The following MUC12 variants were observed in gnomAD, a reference collection of about 807,000 sequenced individuals.
MUC12 encodes mucin 12, cell surface associated, also known as mucin-12.
MUC12 carries 172 observed loss-of-function variants against 230.8 expected under a neutral mutation model. The ratio of observed to expected loss-of-function variants is 0.75; its 90% CI spans 0.66 to 0.85. MUC12 has a LOEUF of 0.85. MUC12 is among the 40% of genes least tolerant of loss of function. The pLI, the probability that MUC12 is intolerant of heterozygous loss-of-function variation, is 0.00. For missense variants in MUC12, 3,506 were observed against 5,920.6 expected (o/e 0.59, Z 13.38); for synonymous variants, 1,259 against 2,401.9 (o/e 0.52, Z 13.91).
chr7:100,984,878 T>C (rs1322823635), intron 1 of MUC12, among the ~76,000 whole-genome samples: 1 of 152,134 alleles, frequency 6.6e-6, no homozygotes, highest in Non-Finnish European at 1.5e-5. Context: ...CCTTTTTATT[T>C]TTTTGGGATG....
Position 100,995,296 on chromosome 7 carries a change from C to A in MUC12, c.4733C>A (p.Thr1578Asn). ...TSSGVSEESTTSHSRPGSTHT... is the reference protein window; with the variant it reads ...TSSGVSEESTNSHSRPGSTHT... ...TCAGGCGTCAGTGAAGAATCCACCA[C>A]CTCCCACAGCCGACCAGGCTCAACG... Residue 1578 changes from threonine to asparagine, a missense_variant, in exon 2 of 12, where the codon ACC (threonine) becomes AAC (asparagine). Thr to Asn is a moderately conservative substitution (Grantham distance 65, BLOSUM62 0). Transcript: ENST00000536621. 6.6e-7 allele frequency: 1 copy of A among 1,524,924 alleles called. No homozygotes were observed. Among genetic ancestry groups the A allele is most frequent in the East Asian group, 2.5e-5 (1 of 40,684 alleles). 94.5% of individuals were successfully genotyped at this position (1,524,924 alleles called of 1,614,324 possible). A position where few individuals can be genotyped will look rare whatever the true frequency, so the allele number is the denominator to read the frequency against.
Position 101,005,176 on chromosome 7 carries a change from GTCC to G in MUC12, c.14614_14616del (p.Ser4872del). 1.3e-6 allele frequency: 2 copies of G among 1,537,762 alleles called. No individual in the cohort carries two copies. Among genetic ancestry groups the G allele is most frequent in the Non-Finnish European group, 1.7e-6 (2 of 1,147,040 alleles). ...CAGCGTTTTCTCACAGCAACACAAT[GTCC>G]ATTCATAGTCAACAATCTACACCCT... On this transcript the variant is annotated inframe_deletion, in exon 2 of 12. Transcript: ENST00000536621.
intron 5 of MUC12, 114 bp downstream of exon 5, chr7:101,009,273 T>C (rs1357573844): frequency 1.9e-5 from 20 of 1,066,040 alleles, no homozygotes; most frequent in Non-Finnish European, 2.6e-5. Flanking sequence ...GGTCAGAGAG[T>C]CCTGCAGCCG....
In MUC12 at chr7:100,976,445, A is replaced by C. The variant is rs888037144; in HGVS notation, c.67+6756A>C. On this transcript the variant is annotated intron_variant, in intron 1 of 11. Transcript: ENST00000536621. The stretch of plus-strand genomic sequence containing the variant: ...ACAGTGAAATCCCGTCTCTACTAAA[A>C]ATAAAAAAATTAGCCGGGCATGGTG... 1.4e-4 allele frequency among the ~76,000 whole-genome samples: 11 copies of C among 80,920 alleles called. No homozygotes were observed. The Admixed American group carries it at 1.4e-3, about 10-fold the overall frequency. 53.1% of individuals were successfully genotyped at this position (80,920 alleles called of 152,430 possible). A position where few individuals can be genotyped will look rare whatever the true frequency, so the allele number is the denominator to read the frequency against.
intron 1 of MUC12, among the ~76,000 whole-genome samples, chr7:100,990,403 G>C (rs1321564792): frequency 1.3e-5 from 2 of 152,180 alleles, no homozygotes. Context: ...TGAAATCGGT[G>C]CCTGGTGCCA....
In MUC12 at chr7:101,004,978, G is replaced by A. The variant is rs776619261; in HGVS notation, c.14415G>A (p.Glu4805=). Residue 4805 remains glutamate (E), a synonymous_variant, in exon 2 of 12, where the codon GAG becomes GAA. Coordinates refer to ENST00000536621, the MANE Select transcript of MUC12 (RefSeq NM_001164462.2). The part of the protein sequence containing the change: ...TTFHSKPGST[E]TTLSPGSITT... The stretch of plus-strand genomic sequence containing the variant: ...TCCACAGTAAGCCAGGCTCAACTGA[G>A]ACAACACTGTCCCCTGGCAGCATCA... 6 of 1,537,548 alleles carry A rather than the reference G, an allele frequency of 3.9e-6. No homozygotes were observed. The East Asian group carries it at 7.3e-5, about 19-fold the overall frequency.
At chr7:100,974,776 G>A (rs1792991136) in intron 1 of MUC12, among the ~76,000 whole-genome samples, 1 of 152,308 alleles carries the variant, frequency 6.6e-6, no homozygotes, top group Non-Finnish European at 1.5e-5. Context: ...AGTGAGCTGT[G>A]ATTGTGCCAC....
At chr7:100,976,593 G>A (rs1793035096) in intron 1 of MUC12, among the ~76,000 whole-genome samples, 1 of 114,588 alleles carries the variant, frequency 8.7e-6, no homozygotes, top group Admixed American at 1.0e-4. Flanking sequence ...GACAGAGCGA[G>A]ACTCTTTATA....
Position 101,012,353 on chromosome 7 carries a change from G to A in MUC12, c.15309G>A (p.Glu5103=), listed in dbSNP as rs1182625476. Residue 5103 remains glutamate, a synonymous_variant, in exon 6 of 12, where the codon GAG becomes GAA. Transcript: ENST00000536621. The part of the protein sequence containing the change: ...DVILEADYTL[E]YEELFENLAE... ...TCCTGGAGGCAGACTACACTTTAGA[G>A]TATGAGGAACTGTTTGAAAACCTGG... The A allele has an allele frequency of 6.5e-7, 1 of 1,537,536 alleles. No homozygotes were observed. The highest frequency in any genetic ancestry group is 2.0e-5 in the Admixed American group (1 of 51,002).
chr7:100,970,768 T>C (rs1167198101), intron 1 of MUC12, among the ~76,000 whole-genome samples: 3 of 150,170 alleles, frequency 2.0e-5, no homozygotes, highest in Admixed American at 2.0e-4. Context: ...GAGGCCGAGG[T>C]GGGCGGATCA....
chr7:100,969,863 G>T (rs1286371827), intron 1 of MUC12, among the ~76,000 whole-genome samples, 174 bp downstream of exon 1: 1 of 152,304 alleles, frequency 6.6e-6, no homozygotes, highest in African/African-American at 2.4e-5. Flanking sequence ...GTGCTGAAGA[G>T]GTCACTGTGG....
In MUC12 at chr7:100,990,938, T is replaced by A. The variant is rs1343310233; in HGVS notation, c.375T>A (p.Pro125=). 1 of 1,537,874 alleles carries A rather than the reference T, an allele frequency of 6.5e-7. No individual in the cohort carries two copies. Among genetic ancestry groups the A allele is most frequent in the Non-Finnish European group, 8.7e-7 (1 of 1,147,056 alleles). ...TSASMETTAL[P]GSTTTAGLSE... The stretch of plus-strand genomic sequence containing the variant: ...CCTCAATGGAAACAACAGCGTTACC[T>A]GGCAGTACCACAACAGCAGGCCTGA... The change falls in exon 2 of 12, where the codon CCT becomes CCA. Residue 125 remains proline, a synonymous_variant. Transcript: ENST00000536621.
chr7:100,989,992 C>A (rs953628900), intron 1 of MUC12, among the ~76,000 whole-genome samples: 1 of 152,168 alleles, frequency 6.6e-6, no homozygotes, highest in Non-Finnish European at 1.5e-5. Context: ...CTCACCTGGC[C>A]CTAAAAATTC....
rs774881285 is a variant in MUC12, at chr7:100,995,647, C to T, written c.5084C>T (p.Ser1695Leu). The T allele has an allele frequency of 6.5e-6, 10 of 1,537,136 alleles. No individual in the cohort carries two copies. The Admixed American group carries it at 1.6e-4, about 24-fold the overall frequency. ...ESTTFQSWPS[S>L]KDTMPAPPTT... ...ACCACCTTCCAGAGCTGGCCAAGCTCAAAGGACACTATGCCTGCACCTCCT... is the reference window on the plus strand; with the variant it reads ...ACCACCTTCCAGAGCTGGCCAAGCTTAAAGGACACTATGCCTGCACCTCCT... The change falls in exon 2 of 12, where the codon TCA (serine) becomes TTA (leucine). Residue 1695 changes from serine (S) to leucine (L), a missense_variant. Ser to Leu is a moderately radical substitution (Grantham distance 145). Transcript: ENST00000536621.
chr7:100,981,600 C>T, intron 1 of MUC12: 1 of 433,644 alleles, frequency 2.3e-6, no homozygotes, highest in Non-Finnish European at 4.1e-6. Context: ...AGAGCTCAAG[C>T]TTGGTGTGAC....
intron 1 of MUC12, among the ~76,000 whole-genome samples, chr7:100,970,591 G>C (rs1792856865): frequency 6.6e-6 from 1 of 152,066 alleles, no homozygotes; most frequent in African/African-American, 2.4e-5. Flanking sequence ...AAGAAAAAAT[G>C]GCTGCCAGTT....
At position 101,004,493 on chromosome 7, in the gene MUC12, C is replaced by G. The variant is rs111307353; in HGVS notation, c.13930C>G (p.Pro4644Ala). 6.7e-3 allele frequency: 10,323 copies of G among 1,532,702 alleles called. 98 individuals are homozygous for G. The highest frequency in any genetic ancestry group is 0.028 in the South Asian group (2,316 of 83,732). The allele number at this position is 1,532,702 out of a possible 1,614,324, so 94.9% of individuals were successfully genotyped here. ...CAGCACAACACACACAATATCTTCACCTCCTAGCACCACATCTGCCCTTGT... is the reference window on the plus strand; with the variant it reads ...CAGCACAACACACACAATATCTTCAGCTCCTAGCACCACATCTGCCCTTGT... ...HSSTTHTISS[P>A]PSTTSALVEE... The change falls in exon 2 of 12, where the codon CCT becomes GCT. Residue 4644 changes from proline (P) to alanine (A), a missense_variant. By Grantham distance (27) the Pro-to-Ala change is conservative (BLOSUM62 -1). Transcript: ENST00000536621.
chr7:101,003,748 C>G lies in MUC12; in HGVS notation c.13185C>G (p.Pro4395=), dbSNP rs1269906790. ...HSSPVATATT[P]SPARSTTSGL... ...GCCCAGTTGCAACTGCAACAACACCCTCGCCTGCCCGCTCCACAACCTCAG... is the reference window on the plus strand; with the variant it reads ...GCCCAGTTGCAACTGCAACAACACCGTCGCCTGCCCGCTCCACAACCTCAG... Residue 4395 remains proline (P), a synonymous_variant, in exon 2 of 12, where the codon CCC becomes CCG. Transcript: ENST00000536621. The G allele has an allele frequency of 2.7e-6, 4 of 1,503,576 alleles. No individual in the cohort carries two copies. Among genetic ancestry groups the G allele is most frequent in the Non-Finnish European group, 3.5e-6 (4 of 1,134,386 alleles). The allele number at this position is 1,503,576 out of a possible 1,614,324, so 93.1% of individuals were successfully genotyped here.
At chr7:101,010,189 C>T (rs560471529) in intron 5 of MUC12, among the ~76,000 whole-genome samples, 5 of 151,894 alleles carry the variant, frequency 3.3e-5, no homozygotes, top group Non-Finnish European at 7.4e-5. Context: ...GTGTGGGGTG[C>T]CCTGTGCTGC....
Sources: allele counts gnomAD v4.1 joint callset (sites outside exome capture counted in the v4.1 genomes callset), GRCh38; gene constraint gnomAD v4.1.1; transcripts MANE v1.5; gene names NCBI Gene and HGNC (gene_info 2026-07-23, HGNC 2026-07-21).